Variants in SORL1 observed in about 807,000 individuals in gnomAD.
SORL1 encodes the protein sortilin-related receptor.
Under a neutral mutation model 273.7 loss-of-function variants are expected in SORL1, and 127 were observed. The observed-to-expected ratio is 0.46, with a 90% CI of 0.40 to 0.54. SORL1 has a LOEUF of 0.54. Ranked by LOEUF, SORL1 falls within the 20% of genes least tolerant of loss-of-function variation. SORL1 has a pLI of 0.00. For missense variants in SORL1, 2,494 were observed against 2,846.1 expected, an observed-to-expected ratio of 0.88 and a Z score of 2.81; for synonymous variants, 1,031 against 1,067.4, an observed-to-expected ratio of 0.97 and a Z score of 0.66.
intron 3 of SORL1, among the ~76,000 whole-genome samples, chr11:121,486,720 C>T (rs555692875): frequency 1.3e-5 from 2 of 152,046 alleles, no homozygotes; most frequent in South Asian, 4.2e-4. Flanking sequence ...ACCTCGTGAT[C>T]CCCCCGCCTC....
intron 14 of SORL1, among the ~76,000 whole-genome samples, chr11:121,546,668 G>T (rs1191761095): frequency 6.6e-6 from 1 of 152,190 alleles, no homozygotes; most frequent in African/African-American, 2.4e-5. Context: ...TAGGCCATAT[G>T]GTTTCTATGA....
chr11:121,477,143 A>G (rs1861281762), intron 2 of SORL1, among the ~76,000 whole-genome samples: 1 of 152,132 alleles, frequency 6.6e-6, no homozygotes, highest in Non-Finnish European at 1.5e-5. Flanking sequence ...ATCATTTGAA[A>G]AATAACTAAG....
intron 1 of SORL1, 111 bp from the exon 2 acceptor site, chr11:121,469,896 A>G (rs1331900314): frequency 2.4e-6 from 2 of 823,260 alleles, no homozygotes; most frequent in Admixed American, 1.8e-5. Flanking sequence ...AATGCTTTAG[A>G]TGGCAGAATC....
intron 12 of SORL1, among the ~76,000 whole-genome samples, chr11:121,532,922 G>A (rs1012069519): frequency 1.1e-4 from 16 of 152,040 alleles, no homozygotes; most frequent in East Asian, 7.7e-4. Context: ...GACCTCAGGT[G>A]ATCCACCTGC....
In SORL1 at chr11:121,520,701, G is replaced by T; in HGVS notation, c.1256G>T (p.Gly419Val). Reference protein sequence around the residue: ...EPFADFHRVEGLQGVYIATLI... With the variant: ...EPFADFHRVEVLQGVYIATLI... ...TTTGCTGACTTCCACCGAGTGGAAG[G>T]ATTGCAAGGAGTCTACATTGCTACT... Residue 419 changes from glycine (G) to valine (V), a missense_variant, in exon 9 of 48, where the codon GGA becomes GTA. Gly to Val is a moderately radical substitution (Grantham distance 109, BLOSUM62 -3). Around this residue, in one of 3 missense-constraint regions of SORL1, gnomAD observed 710 missense variants for 882.5 expected, o/e 0.80. Coordinates refer to ENST00000260197, the MANE Select transcript of SORL1 (RefSeq NM_003105.6). The T allele has an allele frequency of 5.0e-6, 8 of 1,600,260 alleles. No homozygotes were observed. Among genetic ancestry groups the T allele is most frequent in the Non-Finnish European group, 6.8e-6 (8 of 1,174,260 alleles).
At chr11:121,551,097 A>G (rs1461170521) in intron 16 of SORL1, among the ~76,000 whole-genome samples, 1 of 152,220 alleles carries the variant, frequency 6.6e-6, no homozygotes, top group Non-Finnish European at 1.5e-5. Context: ...TTTTAATGGA[A>G]TTTTATAGAT....
chr11:121,488,784 A>G (rs1189203552), intron 4 of SORL1, among the ~76,000 whole-genome samples: 1 of 152,224 alleles, frequency 6.6e-6, no homozygotes, highest in Non-Finnish European at 1.5e-5. Context: ...TGCCAAGTCA[A>G]GGATATTAGT....
intron 2 of SORL1, 96 bp from the exon 3 acceptor site, chr11:121,478,022 A>G: frequency 7.4e-7 from 1 of 1,354,532 alleles, no homozygotes; most frequent in Non-Finnish European, 9.9e-7. Flanking sequence ...AAAAGAGTGA[A>G]ACTCAGTCTC....
At chr11:121,486,137 C>G (rs1861467847) in intron 3 of SORL1, among the ~76,000 whole-genome samples, 1 of 152,194 alleles carries the variant, frequency 6.6e-6, no homozygotes. Flanking sequence ...TTGGGCTTAT[C>G]CTGCAGGATT....
Position 121,627,930 on chromosome 11 carries a change from C to T in SORL1, c.6577+163C>T, listed in dbSNP as rs1565360092. On this transcript the variant is annotated intron_variant, in intron 47 of 47. Coordinates refer to ENST00000260197, the MANE Select transcript of SORL1 (RefSeq NM_003105.6). The surrounding 1 kb of genome is among the most constrained non-coding windows in gnomAD (Gnocchi z 4.9). ...TGAGTTTTGGTTAAACCATTCAGAG[C>T]CCTCACTTTTTAACTTTTAAGTTAA... Among the ~76,000 whole-genome samples, 1 of 152,164 alleles carries T rather than the reference C, an allele frequency of 6.6e-6. No homozygotes were observed. Among genetic ancestry groups the T allele is most frequent in the Non-Finnish European group, 1.5e-5 (1 of 68,030 alleles).
chr11:121,627,848 C>A lies in SORL1; in HGVS notation c.6577+81C>A. ...AATGACTTGATTAGGAAACACCCAC[C>A]TTCAGCTCCTCTTTTGACCCTGGAG... On this transcript the variant is annotated intron_variant, in intron 47 of 47. Transcript: ENST00000260197. The surrounding 1 kb of genome is among the most constrained non-coding windows in gnomAD (Gnocchi z 4.9). The A allele has an allele frequency of 1.1e-6, 1 of 921,244 alleles. No homozygotes were observed. The highest frequency in any genetic ancestry group is 1.6e-6 in the Non-Finnish European group (1 of 606,836). The allele number at this position is 921,244 out of a possible 1,614,324, so 57.1% of individuals were successfully genotyped here.
chr11:121,538,009 C>G (rs775242589), intron 12 of SORL1, among the ~76,000 whole-genome samples: 12 of 152,210 alleles, frequency 7.9e-5, no homozygotes, highest in Non-Finnish European at 1.6e-4. Flanking sequence ...TCCCTTAGGT[C>G]TGCCTCACGA....
rs1408111077 is a variant in SORL1, at chr11:121,553,963, G to A, written c.2293G>A (p.Val765Met). ...AEENEFILYA[V>M]RKSIYRYDLA... ...AGAGAACGAGTTCATTCTGTATGCTGTGAGGAAATCCATCTACCGCTATGA... is the reference window on the plus strand; with the variant it reads ...AGAGAACGAGTTCATTCTGTATGCTATGAGGAAATCCATCTACCGCTATGA... Residue 765 changes from valine (V) to methionine (M), a missense_variant, in exon 17 of 48, where the codon GTG (valine) becomes ATG (methionine). Coordinates refer to ENST00000260197, the MANE Select transcript of SORL1 (RefSeq NM_003105.6). 1.9e-6 allele frequency: 3 copies of A among 1,614,110 alleles called. No individual in the cohort carries two copies. Among genetic ancestry groups the A allele is most frequent in the Non-Finnish European group, 1.7e-6 (2 of 1,179,970 alleles).
chr11:121,602,573 A>G (rs1246370788), intron 32 of SORL1, among the ~76,000 whole-genome samples: 1 of 151,986 alleles, frequency 6.6e-6, no homozygotes, highest in Non-Finnish European at 1.5e-5. Context: ...CAGTTTCTCT[A>G]CCTATATCTC....
At chr11:121,530,717 A>G (rs1187689441) in intron 11 of SORL1, among the ~76,000 whole-genome samples, 1 of 151,688 alleles carries the variant, frequency 6.6e-6, no homozygotes, top group African/African-American at 2.4e-5. Flanking sequence ...TTCTTCAAAT[A>G]TTTTTTTTCT....
chr11:121,556,843 G>C (rs1451364760), intron 18 of SORL1, among the ~76,000 whole-genome samples: 1 of 152,212 alleles, frequency 6.6e-6, no homozygotes, highest in Non-Finnish European at 1.5e-5. Flanking sequence ...AGCAAGAGAT[G>C]ACCAGCCTGG....
chr11:121,615,041 G>A lies in SORL1; in HGVS notation c.5590G>A (p.Gly1864Ser), dbSNP rs777030825. ...GACTGCAGTGGAATGTACCTGGACC[G>A]GCCCCCGGAATGTGGTGAGTCAGCC... ...NQTAVECTWT[G>S]PRNVVYGIFY... Residue 1864 changes from glycine to serine, a missense_variant, in exon 41 of 48, where the codon GGC becomes AGC. Physicochemically the swap from Gly to Ser is moderately conservative, Grantham distance 56. This residue lies in a region of SORL1 where 1,609 missense variants were observed against 1,816.4 expected (regional missense o/e 0.89). Coordinates refer to ENST00000260197, the MANE Select transcript of SORL1 (RefSeq NM_003105.6). 8 of 1,600,566 alleles carry A rather than the reference G, an allele frequency of 5.0e-6. No homozygotes were observed. Among genetic ancestry groups the A allele is most frequent in the East Asian group, 2.2e-5 (1 of 44,530 alleles).
intron 42 of SORL1, 151 bp from the exon 43 acceptor site, chr11:121,619,602 T>G: frequency 3.0e-6 from 2 of 668,872 alleles, no homozygotes; most frequent in Non-Finnish European, 5.0e-6. Flanking sequence ...GGAAAATGAT[T>G]TGGGGTAGGT....
rs186140538 is a variant in SORL1, at chr11:121,478,837, C to T, written c.528+594C>T. ...TTGTGTGCGTGTAGTTACTTGTGTG[C>T]GTATGGGTACCTGCGTGTGTGTGCT... On this transcript the variant is annotated intron_variant, in intron 3 of 47. Transcript: ENST00000260197. Among the ~76,000 whole-genome samples, 12 of 149,940 alleles carry T rather than the reference C, an allele frequency of 8.0e-5. No homozygotes were observed. The East Asian group carries it at 1.4e-3, about 17-fold the overall frequency.
Sources: gnomAD v4.1 joint callset for allele counts (sites outside exome capture counted in the v4.1 genomes callset) on GRCh38, gnomAD v4.1.1 for gene constraint, gnomAD v4.1.1 regional missense constraint, Gnocchi (gnomAD v3.1) non-coding constraint, MANE v1.5 for transcripts, NCBI Gene and HGNC (gene_info 2026-07-23, HGNC 2026-07-21) for gene names.